LRRC4C: variants seen among roughly 807,000 people sequenced by gnomAD.
LRRC4C encodes leucine-rich repeat-containing protein 4C.
Under a neutral mutation model 33.6 loss-of-function variants are expected in LRRC4C, and 5 were observed. The observed-to-expected ratio is 0.15, with a 90% confidence interval of 0.08 to 0.31. LRRC4C has a LOEUF of 0.31. Ranked by LOEUF, LRRC4C falls within the 10% of genes least tolerant of loss-of-function variation. LRRC4C has a pLI of 1.00. For synonymous variants in LRRC4C, 329 were observed against 302.0 expected, an observed-to-expected ratio of 1.09 and a Z score of -0.93; for missense variants, 560 against 796.7, an observed-to-expected ratio of 0.70 and a Z score of 3.58.
chr11:40,940,179 A>G (rs1958080329), intron 1 of LRRC4C, among the ~76,000 whole-genome samples: 1 of 152,150 alleles, frequency 6.6e-6, no homozygotes, highest in Non-Finnish European at 1.5e-5. Flanking sequence ...TTTCTCATCC[A>G]TAAAACTGTG....
chr11:40,422,995 A>G (rs1487731221), intron 3 of LRRC4C, among the ~76,000 whole-genome samples: 1 of 152,118 alleles, frequency 6.6e-6, no homozygotes, highest in Non-Finnish European at 1.5e-5. Flanking sequence ...AAAACTCATC[A>G]CTTTGTAATT....
intron 2 of LRRC4C, among the ~76,000 whole-genome samples, chr11:40,810,290 C>T (rs1434192652): frequency 6.6e-6 from 1 of 152,124 alleles, no homozygotes; most frequent in East Asian, 1.9e-4. Context: ...TTCTGTGTCA[C>T]CATGGTTCTC....
In LRRC4C at chr11:40,515,232, G is replaced by T. The variant is rs566550271; in HGVS notation, c.-270+132910C>A. 3.2e-4 allele frequency among the ~76,000 whole-genome samples: 49 copies of T among 151,938 alleles called. 1 individual carries two copies. In the South Asian group the frequency reaches 1.0e-2, roughly 31 times the overall value. Reference sequence around the variant, plus strand: ...TTTTTCACCTTTTCCCTTATATCAGGAATAAAAGAGAAACTTAGCAATACT... The same window carrying T: ...TTTTTCACCTTTTCCCTTATATCAGTAATAAAAGAGAAACTTAGCAATACT... On this transcript the variant is annotated intron_variant, in intron 3 of 6. Transcript: ENST00000528697.
chr11:40,225,620 T>TC (rs1457627285), intron 5 of LRRC4C, among the ~76,000 whole-genome samples: 89 of 27,614 alleles, frequency 3.2e-3, no homozygotes, highest in Admixed American at 6.1e-3. Context: ...TCTCTCTCTC[T>TC]TTTTTTTTTT....
chr11:41,062,547 C>T (rs375773439), intron 1 of LRRC4C, among the ~76,000 whole-genome samples: 1 of 151,938 alleles, frequency 6.6e-6, no homozygotes, highest in East Asian at 1.9e-4. Flanking sequence ...TAATTAAATC[C>T]AGGAAACAAC....
intron 1 of LRRC4C, among the ~76,000 whole-genome samples, chr11:41,332,108 C>T (rs1951313609): frequency 6.6e-6 from 1 of 152,114 alleles, no homozygotes. Context: ...GGACTTAGAA[C>T]AGTACCTTTC....
At chr11:40,268,036 C>A (rs1023048821) in intron 4 of LRRC4C, among the ~76,000 whole-genome samples, 2 of 152,136 alleles carry the variant, frequency 1.3e-5, no homozygotes, top group African/African-American at 4.8e-5. Flanking sequence ...AAAAATCAAT[C>A]TTTTCTGAGA....
intron 2 of LRRC4C, among the ~76,000 whole-genome samples, chr11:40,880,870 T>TATAC (rs1565163923): frequency 6.7e-6 from 1 of 149,316 alleles, no homozygotes; most frequent in African/African-American, 2.4e-5. Context: ...TGTGTATATA[T>TATAC]ATATATATAT....
intron 1 of LRRC4C, among the ~76,000 whole-genome samples, chr11:41,333,609 C>A (rs1951361892): frequency 6.6e-6 from 1 of 152,140 alleles, no homozygotes; most frequent in South Asian, 2.1e-4. Context: ...TTGCTGACTG[C>A]CCTTAACAGC....
At chr11:40,752,882 A>G (rs1591630915) in intron 2 of LRRC4C, among the ~76,000 whole-genome samples, 1 of 152,128 alleles carries the variant, frequency 6.6e-6, no homozygotes, top group South Asian at 2.1e-4. Flanking sequence ...GTATCTGTCA[A>G]TGGATAAATG....
At chr11:40,173,533 G>GT (rs1442450997) in intron 5 of LRRC4C, among the ~76,000 whole-genome samples, 6 of 152,162 alleles carry the variant, frequency 3.9e-5, no homozygotes, top group Non-Finnish European at 7.3e-5. Flanking sequence ...TGTTTTGTTG[G>GT]TTTACTTCAT....
intron 5 of LRRC4C, among the ~76,000 whole-genome samples, chr11:40,171,021 A>C (rs1052335452): frequency 2.0e-5 from 3 of 152,204 alleles, no homozygotes; most frequent in Non-Finnish European, 4.4e-5. Context: ...ACAGTGAGGG[A>C]AATTATGCTT....
chr11:41,278,784 A>G (rs1454051988), intron 1 of LRRC4C, among the ~76,000 whole-genome samples: 1 of 151,200 alleles, frequency 6.6e-6, no homozygotes, highest in Non-Finnish European at 1.5e-5. Context: ...ATAGCAATTC[A>G]TTGCTGCTTT....
At chr11:41,212,220 C>T (rs1021128814) in intron 1 of LRRC4C, among the ~76,000 whole-genome samples, 1 of 152,028 alleles carries the variant, frequency 6.6e-6, no homozygotes, top group African/African-American at 2.4e-5. Context: ...CTTGGGCTTT[C>T]CCAGTGAGCT....
chr11:40,211,364 T>C (rs1189175059), intron 5 of LRRC4C, among the ~76,000 whole-genome samples: 1 of 152,206 alleles, frequency 6.6e-6, no homozygotes, highest in Non-Finnish European at 1.5e-5. Context: ...GGAATTTTTC[T>C]CAGTTCTTTT....
chr11:41,266,490 AG>A (rs1194481926), intron 1 of LRRC4C, among the ~76,000 whole-genome samples: 3 of 152,116 alleles, frequency 2.0e-5, no homozygotes, highest in Non-Finnish European at 4.4e-5. Flanking sequence ...AAAGAGAAAA[AG>A]GAATAGACAA....
At chr11:40,737,996 C>T (rs1378579880) in intron 2 of LRRC4C, among the ~76,000 whole-genome samples, 3 of 152,136 alleles carry the variant, frequency 2.0e-5, no homozygotes, top group Non-Finnish European at 4.4e-5. Flanking sequence ...GTAACCAAAA[C>T]AGCATGGTAC....
rs74788091 is a variant in LRRC4C, at chr11:40,437,352, C to T, written c.-269-117631G>A. On this transcript the variant is annotated intron_variant, in intron 3 of 6. Transcript: ENST00000528697. ...TATCCTTGTAATATGTAAGTCAGAG[C>T]CTGTCTTTCCTCTGCTTAAAACTTT... Among the ~76,000 whole-genome samples the T allele has an allele frequency of 7.9e-3, 1,208 of 152,124 alleles. 17 individuals carry two copies. Among genetic ancestry groups the T allele is most frequent in the African/African-American group, 0.027 (1,124 of 41,530 alleles).
chr11:41,265,062 T>C (rs1591102364), intron 1 of LRRC4C, among the ~76,000 whole-genome samples: 1 of 152,162 alleles, frequency 6.6e-6, no homozygotes, highest in East Asian at 1.9e-4. Flanking sequence ...TTTCATACCA[T>C]GACTGTCCTA....
Sources: allele counts gnomAD v4.1 joint callset (sites outside exome capture counted in the v4.1 genomes callset), GRCh38; gene constraint gnomAD v4.1.1; transcripts MANE v1.5; gene names NCBI Gene and HGNC (gene_info 2026-07-23, HGNC 2026-07-21).